The following RASGEF1C variants were observed in gnomAD, a reference collection of about 807,000 sequenced individuals.
RASGEF1C encodes the protein RasGEF domain family member 1C, also known as ras-GEF domain-containing family member 1C.
A neutral mutation model predicts 58.1 loss-of-function variants in RASGEF1C; 27 were observed. The ratio of observed to expected loss-of-function variants is 0.46; its 90% confidence interval spans 0.34 to 0.64. RASGEF1C has a LOEUF of 0.64. Among genes scored for constraint, RASGEF1C ranks in the 30% least tolerant of loss-of-function variants. The pLI, the probability that RASGEF1C is intolerant of heterozygous loss-of-function variation, is 0.01. For missense variants in RASGEF1C, 502 were observed against 605.1 expected (o/e 0.83, Z 1.79); for synonymous variants, 243 against 246.3 (o/e 0.99, Z 0.13).
intron 1 of RASGEF1C, among the ~76,000 whole-genome samples, chr5:180,161,673 C>T (rs761184703): frequency 1.3e-5 from 2 of 152,260 alleles, no homozygotes; most frequent in African/African-American, 4.8e-5. Context: ...CCCAGCCCCG[C>T]GGCTCCTGGA....
At chr5:180,183,891 G>A (rs903805769) in intron 1 of RASGEF1C, among the ~76,000 whole-genome samples, 1 of 152,066 alleles carries the variant, frequency 6.6e-6, no homozygotes, top group African/African-American at 2.4e-5. Context: ...TAAACAGCCG[G>A]CCGGGTGTGA....
intron 6 of RASGEF1C, 53 bp downstream of exon 6, chr5:180,127,556 G>A (rs984817455): frequency 1.4e-5 from 22 of 1,520,820 alleles, no homozygotes; most frequent in Admixed American, 6.2e-5. Flanking sequence ...CCCGGAGAGC[G>A]GCCAGTCACT....
chr5:180,140,516 C>T (rs1226715462), intron 1 of RASGEF1C, among the ~76,000 whole-genome samples: 1 of 152,212 alleles, frequency 6.6e-6, no homozygotes, highest in African/African-American at 2.4e-5. Flanking sequence ...TGACCACTCT[C>T]TGTGCTCACT....
intron 1 of RASGEF1C, among the ~76,000 whole-genome samples, chr5:180,153,752 G>A (rs1057273622): frequency 2.0e-5 from 3 of 152,186 alleles, no homozygotes; most frequent in African/African-American, 7.2e-5. Flanking sequence ...TTCCCTTCTG[G>A]TGGTTAAATT....
At chr5:180,117,614 C>G (rs1269197028) in intron 10 of RASGEF1C, among the ~76,000 whole-genome samples, 4 of 152,210 alleles carry the variant, frequency 2.6e-5, no homozygotes, top group Admixed American at 2.6e-4. Context: ...GTGCATGACT[C>G]TCTGTACCAC....
At chr5:180,135,514 C>T (rs1460622021) in intron 4 of RASGEF1C, among the ~76,000 whole-genome samples, 1 of 152,196 alleles carries the variant, frequency 6.6e-6, no homozygotes, top group Non-Finnish European at 1.5e-5. Flanking sequence ...TACACCAGTG[C>T]TGCCCACAGT....
intron 1 of RASGEF1C, among the ~76,000 whole-genome samples, chr5:180,200,907 G>A (rs1325743064): frequency 1.3e-5 from 2 of 152,120 alleles, no homozygotes; most frequent in Admixed American, 1.3e-4. Context: ...GGAATGAGGA[G>A]AGGGGAGCTG....
chr5:180,132,972 A>G (rs1359161671), intron 4 of RASGEF1C, among the ~76,000 whole-genome samples: 1 of 150,026 alleles, frequency 6.7e-6, no homozygotes, highest in Admixed American at 6.6e-5. Context: ...CGTCTCAGAA[A>G]AAAAAAAAAA....
intron 1 of RASGEF1C, among the ~76,000 whole-genome samples, chr5:180,206,277 C>T (rs369742973): frequency 9.8e-5 from 15 of 152,296 alleles, no homozygotes; most frequent in Admixed American, 8.5e-4. Context: ...AGACTAAGTA[C>T]ACAACTAAAC....
chr5:180,101,842 C>T (rs1308009673), intron 13 of RASGEF1C, among the ~76,000 whole-genome samples: 2 of 152,192 alleles, frequency 1.3e-5, no homozygotes, highest in Admixed American at 6.5e-5. Context: ...AGCCACCAGC[C>T]GTGGGGGAGT....
chr5:180,113,762 CGGGGATGGACGGAGGGATT>C (rs1766014912), intron 11 of RASGEF1C, among the ~76,000 whole-genome samples: 2 of 150,428 alleles, frequency 1.3e-5, no homozygotes, highest in African/African-American at 4.9e-5. Context: ...ACGGAGGGAC[CGGGGATGGACGGAGGGATT>C]GGGGATGGAT....
At chr5:180,172,872 T>C (rs1447342641) in intron 1 of RASGEF1C, among the ~76,000 whole-genome samples, 1 of 152,194 alleles carries the variant, frequency 6.6e-6, no homozygotes, top group Non-Finnish European at 1.5e-5. Context: ...CCTCTCCCTG[T>C]GCTCCCGCCT....
At chr5:180,141,085 C>T (rs1373486328) in intron 1 of RASGEF1C, among the ~76,000 whole-genome samples, 7 of 152,182 alleles carry the variant, frequency 4.6e-5, no homozygotes, top group African/African-American at 7.2e-5. Context: ...AGCTTCTTTA[C>T]GCAAAGACAA....
chr5:180,141,602 T>A (rs541734817), intron 1 of RASGEF1C, among the ~76,000 whole-genome samples: 21 of 152,128 alleles, frequency 1.4e-4, no homozygotes, highest in Non-Finnish European at 2.8e-4. Flanking sequence ...AAGAAAAGAT[T>A]TCTGGAGAGG....
intron 6 of RASGEF1C, among the ~76,000 whole-genome samples, chr5:180,122,544 C>T (rs950797229): frequency 1.2e-4 from 19 of 152,026 alleles, no homozygotes; most frequent in Admixed American, 6.5e-4. Context: ...AGTTCAGGAA[C>T]AGCCTGGTCA....
intron 10 of RASGEF1C, chr5:180,115,290 TAAAAA>T: frequency 2.5e-6 from 1 of 397,566 alleles, no homozygotes; most frequent in South Asian, 1.8e-5. Context: ...GCCTCCTTTT[TAAAAA>T]AAAAAAAAAA....
At chr5:180,183,974 C>G (rs1183719222) in intron 1 of RASGEF1C, among the ~76,000 whole-genome samples, 1 of 151,278 alleles carries the variant, frequency 6.6e-6, no homozygotes, top group Non-Finnish European at 1.5e-5. Flanking sequence ...GGGTTTGAGA[C>G]CAGCCTGGTC....
At chr5:180,160,230 G>A (rs533583666) in intron 1 of RASGEF1C, among the ~76,000 whole-genome samples, 1 of 152,254 alleles carries the variant, frequency 6.6e-6, no homozygotes, top group East Asian at 1.9e-4. Context: ...GAAGCCATTT[G>A]GCTCTTTCTG....
intron 1 of RASGEF1C, among the ~76,000 whole-genome samples, chr5:180,146,533 A>G (rs1766663904): frequency 6.6e-6 from 1 of 151,372 alleles, no homozygotes; most frequent in South Asian, 2.1e-4. Context: ...ATGAAAGGGC[A>G]TTGAATTTTG....
Sources: gnomAD v4.1 joint callset for allele counts (sites outside exome capture counted in the v4.1 genomes callset) on GRCh38, gnomAD v4.1.1 for gene constraint, MANE v1.5 for transcripts, NCBI Gene and HGNC (gene_info 2026-07-23, HGNC 2026-07-21) for gene names.